Variants in MDFIC observed in about 807,000 individuals in gnomAD.
MDFIC encodes the protein myoD family inhibitor domain-containing protein.
MDFIC carries 17 observed loss-of-function variants against 23.2 expected under a neutral mutation model. The observed-to-expected ratio is 0.73, with a 90% CI of 0.50 to 1.10. The LOEUF is 1.10. MDFIC is among the 50% of genes least tolerant of loss of function. The pLI is 0.00. For synonymous variants in MDFIC, 120 were observed against 115.2 expected (o/e 1.04, Z -0.27); for missense variants, 356 against 316.6 (o/e 1.12, Z -0.95).
intron 4 of MDFIC, among the ~76,000 whole-genome samples, chr7:115,007,630 G>GTA (rs10528546): frequency 0.026 from 3,385 of 132,652 alleles, 58 homozygotes; most frequent in South Asian, 0.054. Context: ...GCGTGTGTGT[G>GTA]TATATATATA....
chr7:114,923,502 C>G (rs372784730), intron 2 of MDFIC: 10 of 1,537,680 alleles, frequency 6.5e-6, no homozygotes, highest in Admixed American at 2.0e-5. Flanking sequence ...TCTGAACAAG[C>G]GTGCACTTAC....
At chr7:114,976,599 C>CACTTACTTTTAGA (rs1793320548) in intron 3 of MDFIC, among the ~76,000 whole-genome samples, 2 of 152,008 alleles carry the variant, frequency 1.3e-5, no homozygotes, top group African/African-American at 4.8e-5. Flanking sequence ...GACTATTATT[C>CACTTACTTTTAGA]CTCTTTATCA....
intron 3 of MDFIC, among the ~76,000 whole-genome samples, chr7:114,975,194 A>G (rs2115937355): frequency 6.6e-6 from 1 of 152,218 alleles, no homozygotes; most frequent in South Asian, 2.1e-4. Flanking sequence ...AAGAGGTGTC[A>G]AAAAGTTTCT....
intron 3 of MDFIC, among the ~76,000 whole-genome samples, 169 bp downstream of exon 3, chr7:114,942,566 T>C (rs1434423026): frequency 1.3e-5 from 2 of 152,226 alleles, no homozygotes; most frequent in African/African-American, 4.8e-5. Flanking sequence ...AGGATATACA[T>C]AATGCTGTCA....
intron 3 of MDFIC, among the ~76,000 whole-genome samples, chr7:114,963,987 A>G (rs1347810338): frequency 6.6e-6 from 1 of 152,230 alleles, no homozygotes; most frequent in Non-Finnish European, 1.5e-5. Flanking sequence ...TGCATAATAT[A>G]AATAAAACAT....
chr7:114,973,020 C>T (rs1054022124), intron 3 of MDFIC, among the ~76,000 whole-genome samples: 2 of 151,642 alleles, frequency 1.3e-5, no homozygotes. Context: ...AGCCGATCAT[C>T]ATTTAAACAT....
rs141823914 is a variant in MDFIC, at chr7:114,995,084, C to A, written c.493+15303C>A. Among the ~76,000 whole-genome samples the A allele has an allele frequency of 8.0e-3, 1,225 of 152,288 alleles. 8 individuals carry two copies. The highest frequency in any genetic ancestry group is 0.012 in the Non-Finnish European group (830 of 68,028). ...TTTCTCTAAACTTCTCTTCTCACTT[C>A]ATTTCATTCATTTGATCTTCAGTCA... is the stretch of plus-strand genomic sequence containing the variant. On this transcript the variant is annotated intron_variant, in intron 4 of 4. Transcript: ENST00000393486.
intron 4 of MDFIC, among the ~76,000 whole-genome samples, chr7:114,991,046 T>C (rs1033396015): frequency 3.9e-5 from 6 of 152,022 alleles, no homozygotes; most frequent in Admixed American, 1.3e-4. Flanking sequence ...CCATTCTAAC[T>C]GGTGTGAGAT....
At chr7:114,954,437 G>A (rs1450269148) in intron 3 of MDFIC, among the ~76,000 whole-genome samples, 2 of 152,178 alleles carry the variant, frequency 1.3e-5, no homozygotes, top group Admixed American at 6.5e-5. Flanking sequence ...ACCACACATC[G>A]GTCGGTCTTC....
intron 4 of MDFIC, among the ~76,000 whole-genome samples, chr7:114,997,015 G>A (rs559860883): frequency 3.9e-5 from 6 of 152,298 alleles, no homozygotes; most frequent in African/African-American, 1.4e-4. Flanking sequence ...GTGATCATGT[G>A]TCAAAAGCAA....
chr7:114,974,230 T>A (rs1202256741), intron 3 of MDFIC, among the ~76,000 whole-genome samples: 1 of 152,106 alleles, frequency 6.6e-6, no homozygotes, highest in African/African-American at 2.4e-5. Flanking sequence ...TAGTTCATAT[T>A]GAAATAACTT....
intron 3 of MDFIC, among the ~76,000 whole-genome samples, chr7:114,954,232 T>C (rs957567136): frequency 1.3e-5 from 2 of 152,232 alleles, no homozygotes; most frequent in Non-Finnish European, 2.9e-5. Context: ...CATTTCTCCC[T>C]GTCCTTTTCC....
At chr7:114,946,693 C>A (rs922842531) in intron 3 of MDFIC, among the ~76,000 whole-genome samples, 19 of 152,124 alleles carry the variant, frequency 1.2e-4, no homozygotes, top group Admixed American at 3.3e-4. Flanking sequence ...TAATAGTAAG[C>A]ACTTAATTGG....
At chr7:114,936,804 G>T (rs1350655493) in intron 2 of MDFIC, among the ~76,000 whole-genome samples, 1 of 152,008 alleles carries the variant, frequency 6.6e-6, no homozygotes. Context: ...TTATTGCATT[G>T]TTGATGGTTC....
At chr7:114,957,515 A>C (rs1022410783) in intron 3 of MDFIC, among the ~76,000 whole-genome samples, 1 of 152,192 alleles carries the variant, frequency 6.6e-6, no homozygotes, top group African/African-American at 2.4e-5. Flanking sequence ...ATAAGTAAAA[A>C]AAAGATCAGC....
At position 114,964,744 on chromosome 7, in the gene MDFIC, T is replaced by A. The variant is rs1167243044; in HGVS notation, c.218-14762T>A. On this transcript the variant is annotated intron_variant, in intron 3 of 4. Coordinates refer to ENST00000393486, the MANE Select transcript of MDFIC (RefSeq NM_001166345.3). ...TTTTGTATTTTTAGTAGAAACAGGG[T>A]TTTCCTGTATTGGCCAGGCTGGTCT... Among the ~76,000 whole-genome samples the A allele has an allele frequency of 7.2e-5, 11 of 152,128 alleles. No individual in the cohort carries two copies. The East Asian group carries it at 2.1e-3, about 29-fold the overall frequency.
intron 3 of MDFIC, among the ~76,000 whole-genome samples, chr7:114,953,577 A>G (rs1394378449): frequency 6.6e-6 from 1 of 152,196 alleles, no homozygotes; most frequent in Non-Finnish European, 1.5e-5. Flanking sequence ...TTAGTCAATC[A>G]GTCATTGTGT....
chr7:114,960,916 A>G (rs1309277080), intron 3 of MDFIC, among the ~76,000 whole-genome samples: 1 of 152,154 alleles, frequency 6.6e-6, no homozygotes. Flanking sequence ...AATAATAACT[A>G]ATTTTATGGT....
At chr7:114,931,501 A>G (rs1302834659) in intron 2 of MDFIC, among the ~76,000 whole-genome samples, 6 of 152,256 alleles carry the variant, frequency 3.9e-5, no homozygotes, top group Admixed American at 3.9e-4. Context: ...CGGTGTGCCT[A>G]CAAGGTCCTG....
Sources: allele counts gnomAD v4.1 joint callset (sites outside exome capture counted in the v4.1 genomes callset), GRCh38; gene constraint gnomAD v4.1.1; transcripts MANE v1.5; gene names NCBI Gene and HGNC (gene_info 2026-07-23, HGNC 2026-07-21).